Variants in OXNAD1 observed in about 807,000 individuals in gnomAD.
The protein encoded by OXNAD1 is oxidoreductase NAD binding domain containing 1.
Under a neutral mutation model 32.9 loss-of-function variants are expected in OXNAD1, and 34 were observed. That is an observed-to-expected ratio of 1.03 (90% confidence interval 0.79 to 1.38). The LOEUF (loss-of-function observed/expected upper bound fraction) is 1.38. Ranked by LOEUF, OXNAD1 falls within the 40% of genes most tolerant of loss-of-function variation. The probability of loss-of-function intolerance (pLI) is 0.00; values close to 1 mark genes in which losing one functional copy is unlikely to be tolerated. For synonymous variants in OXNAD1, 134 were observed against 135.2 expected, an observed-to-expected ratio of 0.99 and a Z score of 0.06; for missense variants, 407 against 379.4, an observed-to-expected ratio of 1.07 and a Z score of -0.60.
In OXNAD1 at chr3:16,321,414, G is replaced by T. The variant is rs1362216261; in HGVS notation, c.*31-15698G>T. Among the ~76,000 whole-genome samples the T allele has an allele frequency of 2.0e-5, 3 of 152,192 alleles. No homozygotes were observed. The highest frequency in any genetic ancestry group is 4.4e-5 in the Non-Finnish European group (3 of 68,026). On this transcript the variant is annotated intron_variant, in intron 9 of 9. Transcript: ENST00000435829. The surrounding 1 kb of genome is among the most constrained non-coding windows in gnomAD (Gnocchi z 4.8). ...GAGAAAAGCTGCTTCAGGGAGTGGG[G>T]GTGGTCCCAACATCCGGGCTGCAAG...
At chr3:16,272,998 T>G (rs1026692587) in intron 4 of OXNAD1, among the ~76,000 whole-genome samples, 2 of 152,174 alleles carry the variant, frequency 1.3e-5, no homozygotes, top group African/African-American at 4.8e-5. Context: ...TTACAACTTC[T>G]AATCTTTGAT....
rs138449417 is a variant in OXNAD1, at chr3:16,301,294, A to G, written c.433-332A>G. 5.5e-4 allele frequency among the ~76,000 whole-genome samples: 84 copies of G among 152,362 alleles called. No homozygotes were observed. The highest frequency in any genetic ancestry group is 1.9e-3 in the African/African-American group (77 of 41,592). On this transcript the variant is annotated intron_variant, in intron 6 of 8. Coordinates refer to ENST00000285083, the MANE Select transcript of OXNAD1 (RefSeq NM_138381.5). The surrounding 1 kb of genome is among the most constrained non-coding windows in gnomAD (Gnocchi z 4.1). Reference sequence around the variant, plus strand: ...CTCAGATAAAGGAGACCCATACTTCAGAGCTGTACCCTGCCTTTGAGTCCA... The same window carrying G: ...CTCAGATAAAGGAGACCCATACTTCGGAGCTGTACCCTGCCTTTGAGTCCA...
At chr3:16,333,854 C>G (rs1254445319) in intron 9 of OXNAD1, among the ~76,000 whole-genome samples, 2 of 152,280 alleles carry the variant, frequency 1.3e-5, no homozygotes, top group East Asian at 3.9e-4. Context: ...AATGCAGAAT[C>G]TCATAAGAAA....
At chr3:16,318,099 C>T (rs187811991) in intron 9 of OXNAD1, among the ~76,000 whole-genome samples, 84 of 152,306 alleles carry the variant, frequency 5.5e-4, no homozygotes, top group African/African-American at 1.7e-3. Flanking sequence ...CCCAAGGTCA[C>T]GCGGCCAGTA....
chr3:16,279,679 G>A (rs2065609910), intron 4 of OXNAD1, among the ~76,000 whole-genome samples: 1 of 151,926 alleles, frequency 6.6e-6, no homozygotes, highest in South Asian at 2.1e-4. Flanking sequence ...AGTGTTCTTG[G>A]AGCCAGGGGG....
In OXNAD1 at chr3:16,320,368, C is replaced by T. The variant is rs2068908266; in HGVS notation, c.*31-16744C>T. Among the ~76,000 whole-genome samples, 1 of 152,220 alleles carries T rather than the reference C, an allele frequency of 6.6e-6. No individual in the cohort carries two copies. Among genetic ancestry groups the T allele is most frequent in the South Asian group, 2.1e-4 (1 of 4,834 alleles). On this transcript the variant is annotated intron_variant, in intron 9 of 9. Transcript: ENST00000435829. This position sits in a 1 kb window ranked among gnomAD's most constrained non-coding sequence, Gnocchi z 4.5. Reference sequence around the variant, plus strand: ...TATGCCACATCCTCGGTGTGCCAATCTTGCAGTTTCTTTTCTTAAGTTTTA... The same window carrying T: ...TATGCCACATCCTCGGTGTGCCAATTTTGCAGTTTCTTTTCTTAAGTTTTA...
Position 16,265,233 on chromosome 3 carries a change from A to G in OXNAD1, c.-431A>G, listed in dbSNP as rs994248695. On this transcript the variant is annotated 5_prime_UTR_variant, in exon 1 of 9. Coordinates refer to ENST00000285083, the MANE Select transcript of OXNAD1 (RefSeq NM_138381.5). This position sits in a 1 kb window ranked among gnomAD's most constrained non-coding sequence, Gnocchi z 4.8. ...CGGAGTATTCCAGGCGCCTGCAACT[A>G]AACGTGGCCGGGTCTGCAAGCTAGG... is the stretch of plus-strand genomic sequence containing the variant. The G allele has an allele frequency of 1.9e-5, 5 of 266,822 alleles. No homozygotes were observed. The highest frequency in any genetic ancestry group is 8.6e-5 in the East Asian group (1 of 11,644). 16.5% of individuals were successfully genotyped at this position (266,822 alleles called of 1,614,324 possible). A position where few individuals can be genotyped will look rare whatever the true frequency, so the allele number is the denominator to read the frequency against.
rs537421078 is a variant in OXNAD1, at chr3:16,322,148, A to G, written c.*31-14964A>G. Among the ~76,000 whole-genome samples the G allele has an allele frequency of 1.9e-3, 292 of 152,302 alleles. No homozygotes were observed. The highest frequency in any genetic ancestry group is 6.8e-3 in the African/African-American group (281 of 41,568). ...ACTGACAGCGCTCTGCAGCCGATCC[A>G]TCTTCCAGCTGGTGGCTGCCTGCTC... On this transcript the variant is annotated intron_variant, in intron 9 of 9. Coordinates refer to the OXNAD1 transcript ENST00000435829. This position sits in a 1 kb window ranked among gnomAD's most constrained non-coding sequence, Gnocchi z 6.2.
rs1394335705 is a variant in OXNAD1 at position 16,303,484 on chromosome 3, A to G, written c.861A>G (p.Pro287=). Reference sequence around the variant, plus strand: ...TGTTCTATATTTGTGGCCCACCTCCAATGACAGACTTTTTCTCCAAGCAAC... The same window carrying G: ...TGTTCTATATTTGTGGCCCACCTCCGATGACAGACTTTTTCTCCAAGCAAC... ...ETLFYICGPP[P]MTDFFSKQLE... The change falls in exon 9 of 9, where the codon CCA becomes CCG. Residue 287 remains proline (P), a synonymous_variant. Coordinates refer to ENST00000285083, the MANE Select transcript of OXNAD1 (RefSeq NM_138381.5). The surrounding 1 kb of genome is among the most constrained non-coding windows in gnomAD (Gnocchi z 4.8). 6.2e-7 allele frequency: 1 copy of G among 1,613,982 alleles called. No homozygotes were observed. Among genetic ancestry groups the G allele is most frequent in the Non-Finnish European group, 8.5e-7 (1 of 1,179,978 alleles).
chr3:16,301,562 G>A lies in OXNAD1; in HGVS notation c.433-64G>A. 1 of 1,577,126 alleles carries A rather than the reference G, an allele frequency of 6.3e-7. No homozygotes were observed. The highest frequency in any genetic ancestry group is 8.7e-7 in the Non-Finnish European group (1 of 1,156,054). ...AGGAGATAGACCCAGTTTTATTAAAGTAGAACATTTGGTTTAAGACCTTTG... is the reference window on the plus strand; with the variant it reads ...AGGAGATAGACCCAGTTTTATTAAAATAGAACATTTGGTTTAAGACCTTTG... On this transcript the variant is annotated intron_variant, in intron 6 of 8. Coordinates refer to ENST00000285083, the MANE Select transcript of OXNAD1 (RefSeq NM_138381.5). The surrounding 1 kb of genome is among the most constrained non-coding windows in gnomAD (Gnocchi z 4.1).
chr3:16,276,586 C>T (rs1172368508), intron 4 of OXNAD1: 3 of 161,134 alleles, frequency 1.9e-5, no homozygotes, highest in Non-Finnish European at 2.6e-5. Context: ...AAAAACTCAG[C>T]TTCTGGTCTT....
At chr3:16,270,803 G>T (rs2064870662) in intron 2 of OXNAD1, 142 bp from the exon 3 acceptor site, 3 of 1,212,504 alleles carry the variant, frequency 2.5e-6, no homozygotes, top group Non-Finnish European at 3.4e-6. Context: ...GTGAAGTTAG[G>T]CTCTTGGCTG....
rs770248338 is a variant in OXNAD1 at position 16,317,249 on chromosome 3, A to G, written c.*30+13657A>G. The stretch of plus-strand genomic sequence containing the variant: ...CCACTGAAACTAGAAATCAGAAAGG[A>G]TGGGGATAAATAACAAGCCTCCGGG... On this transcript the variant is annotated intron_variant, in intron 9 of 9. Coordinates refer to the OXNAD1 transcript ENST00000435829. This position sits in a 1 kb window ranked among gnomAD's most constrained non-coding sequence, Gnocchi z 4.3. 6.2e-7 allele frequency: 1 copy of G among 1,608,732 alleles called. No homozygotes were observed. Among genetic ancestry groups the G allele is most frequent in the Admixed American group, 1.7e-5 (1 of 59,514 alleles).
intron 9 of OXNAD1, among the ~76,000 whole-genome samples, chr3:16,331,271 T>G (rs771067150): frequency 1.3e-5 from 2 of 152,260 alleles, no homozygotes; most frequent in Non-Finnish European, 2.9e-5. Context: ...AGGGTGTGCT[T>G]ATACTACTCT....
Position 16,280,382 on chromosome 3 carries a change from A to G in OXNAD1, c.184-5960A>G, listed in dbSNP as rs187093324. Among the ~76,000 whole-genome samples the G allele has an allele frequency of 3.2e-4, 49 of 152,328 alleles. No homozygotes were observed. In the East Asian group the frequency reaches 8.7e-3, roughly 27 times the overall value. ...AGTGTTAACCAGCATAAGCCATTTA[A>G]GAAGTTAAATTGTGTGGTTGACGGA... On this transcript the variant is annotated intron_variant, in intron 4 of 8. Coordinates refer to ENST00000285083, the MANE Select transcript of OXNAD1 (RefSeq NM_138381.5). The surrounding 1 kb of genome is among the most constrained non-coding windows in gnomAD (Gnocchi z 4.5).
At position 16,271,582 on chromosome 3, in the gene OXNAD1, T is replaced by G; in HGVS notation, c.120-77T>G. The G allele has an allele frequency of 1.7e-6, 2 of 1,188,742 alleles. No homozygotes were observed. The highest frequency in any genetic ancestry group is 2.4e-6 in the Non-Finnish European group (2 of 839,790). 73.6% of individuals were successfully genotyped at this position (1,188,742 alleles called of 1,614,324 possible). A position where few individuals can be genotyped will look rare whatever the true frequency, so the allele number is the denominator to read the frequency against. On this transcript the variant is annotated intron_variant, in intron 3 of 8. Coordinates refer to ENST00000285083, the MANE Select transcript of OXNAD1 (RefSeq NM_138381.5). This position sits in a 1 kb window ranked among gnomAD's most constrained non-coding sequence, Gnocchi z 4.6. ...TGTTACACTGTATTTAGGATAACCA[T>G]GATATTTCAGGAAAAACTAATTTTA...
chr3:16,340,145 A>G (rs1349275772), downstream of OXNAD1, among the ~76,000 whole-genome samples: 2 of 152,320 alleles, frequency 1.3e-5, no homozygotes, highest in South Asian at 4.1e-4. Context: ...TTTCTGTTCC[A>G]TTGCCACGCA....
intron 9 of OXNAD1, among the ~76,000 whole-genome samples, chr3:16,325,129 A>G (rs6765960): frequency 0.56 from 85,005 of 152,076 alleles, 23,778 homozygotes; most frequent in African/African-American, 0.59. Context: ...ACTAATATTT[A>G]CTCTGCACCT....
chr3:16,273,951 T>C (rs1365388923), intron 4 of OXNAD1, among the ~76,000 whole-genome samples: 14 of 152,240 alleles, frequency 9.2e-5, no homozygotes, highest in African/African-American at 2.9e-4. Context: ...TCACCACTTA[T>C]CTATAATTTC....
Sources: allele counts gnomAD v4.1 joint callset (sites outside exome capture counted in the v4.1 genomes callset), GRCh38; gene constraint gnomAD v4.1.1; non-coding constraint Gnocchi (gnomAD v3.1); transcripts MANE v1.5; gene names NCBI Gene and HGNC (gene_info 2026-07-23, HGNC 2026-07-21).